The following FOCAD variants were observed in gnomAD, a reference collection of about 807,000 sequenced individuals.
FOCAD encodes focadhesin.
In FOCAD, 198 loss-of-function variants were observed where a neutral mutation model predicts 225.6. The ratio of observed to expected loss-of-function variants is 0.88; its 90% CI spans 0.78 to 0.99. The LOEUF (loss-of-function observed/expected upper bound fraction) is 0.99. FOCAD is among the 50% of genes least tolerant of loss of function. The pLI, the probability that FOCAD is intolerant of heterozygous loss-of-function variation, is 0.00. For missense variants in FOCAD, 2,713 were observed against 2,123.6 expected (o/e 1.28, Z -5.46); for synonymous variants, 897 against 755.0 (o/e 1.19, Z -3.08).
At chr9:20,979,236 A>G (rs1273888994) in intron 37 of FOCAD, among the ~76,000 whole-genome samples, 2 of 152,196 alleles carry the variant, frequency 1.3e-5, no homozygotes, top group Non-Finnish European at 2.9e-5. Flanking sequence ...AATCTGGACT[A>G]TTCTTCTGTC....
At chr9:20,686,398 C>T (rs1267282034) in intron 1 of FOCAD, among the ~76,000 whole-genome samples, 1 of 152,134 alleles carries the variant, frequency 6.6e-6, no homozygotes, top group Non-Finnish European at 1.5e-5. Flanking sequence ...CTCAAGTGAT[C>T]CCTCCGCGTT....
intron 21 of FOCAD, among the ~76,000 whole-genome samples, chr9:20,903,966 CT>C (rs1463908278): frequency 6.6e-6 from 1 of 151,920 alleles, no homozygotes; most frequent in African/African-American, 2.4e-5. Flanking sequence ...CTTTCTGTCT[CT>C]ATGGCTTTAC....
At chr9:20,690,506 CTTACTAAAAGTAACT>C (rs1822908483) in intron 1 of FOCAD, among the ~76,000 whole-genome samples, 1 of 152,108 alleles carries the variant, frequency 6.6e-6, no homozygotes. Context: ...AAAAATTACT[CTTACTAAAAGTAACT>C]TTTCTGAGAA....
intron 11 of FOCAD, among the ~76,000 whole-genome samples, chr9:20,815,123 G>GTGTTTTGTT (rs1564024181): frequency 1.2e-5 from 1 of 85,396 alleles, no homozygotes. Flanking sequence ...ACTTCTCTTT[G>GTGTTTTGTT]TTTTTTTTTT....
At chr9:20,765,536 C>T (rs762686112) in intron 7 of FOCAD, among the ~76,000 whole-genome samples, 1 of 152,178 alleles carries the variant, frequency 6.6e-6, no homozygotes, top group Non-Finnish European at 1.5e-5. Context: ...CACATGTCCC[C>T]TTGCAACATA....
At chr9:20,792,243 TCTGAA>T (rs1264367930) in intron 11 of FOCAD, among the ~76,000 whole-genome samples, 1 of 152,208 alleles carries the variant, frequency 6.6e-6, no homozygotes, top group Non-Finnish European at 1.5e-5. Flanking sequence ...TACTTAGGTA[TCTGAA>T]CTGAACATCA....
chr9:20,850,144 G>T (rs1827509227), intron 15 of FOCAD, among the ~76,000 whole-genome samples: 3 of 151,596 alleles, frequency 2.0e-5, no homozygotes, highest in Admixed American at 6.6e-5. Context: ...ATGGTCATAA[G>T]AAATAAAAAT....
intron 43 of FOCAD, among the ~76,000 whole-genome samples, chr9:20,993,673 T>G (rs1841852043): frequency 6.6e-6 from 1 of 152,208 alleles, no homozygotes; most frequent in South Asian, 2.1e-4. Flanking sequence ...CTACTTGTGT[T>G]GTCATATTGA....
At chr9:20,856,894 C>T (rs958687660) in intron 15 of FOCAD, among the ~76,000 whole-genome samples, 8 of 151,970 alleles carry the variant, frequency 5.3e-5, no homozygotes, top group African/African-American at 1.9e-4. Flanking sequence ...AATGAGTTCA[C>T]TGCAGATATG....
intron 21 of FOCAD, among the ~76,000 whole-genome samples, chr9:20,897,508 C>G (rs2131953607): frequency 6.8e-6 from 1 of 146,372 alleles, no homozygotes; most frequent in African/African-American, 2.5e-5. Flanking sequence ...ATGATTTTTT[C>G]TCTTTTGTTA....
intron 1 of FOCAD, among the ~76,000 whole-genome samples, chr9:20,694,141 A>G (rs1248262545): frequency 3.3e-5 from 5 of 152,208 alleles, no homozygotes; most frequent in East Asian, 3.9e-4. Flanking sequence ...CTTAATAGCA[A>G]CCTCTTCACT....
intron 4 of FOCAD, among the ~76,000 whole-genome samples, chr9:20,735,572 G>A (rs1407147789): frequency 6.7e-6 from 1 of 149,382 alleles, no homozygotes; most frequent in African/African-American, 2.5e-5. Context: ...TTTGAGTGCT[G>A]TGGTGAGATC....
In FOCAD at chr9:20,930,313, T is replaced by A. The variant is rs188269334; in HGVS notation, c.3317+717T>A. Among the ~76,000 whole-genome samples the A allele has an allele frequency of 4.6e-5, 7 of 152,340 alleles. No individual in the cohort carries two copies. In the East Asian group the frequency reaches 9.6e-4, roughly 21 times the overall value. On this transcript the variant is annotated intron_variant, in intron 27 of 43. Transcript: ENST00000338382. ...GTTGTTCATACTGCTTATTATTTAT[T>A]TTCTAGCAATTCTTAGAATTTTATA...
rs1238077810 is a variant in FOCAD at position 20,995,659 on chromosome 9, A to T, written c.*30A>T. ...TTTTGCAGTAACCAGCAGCATTCTC[A>T]GCTGGATGAGGAAAACCATATAAGT... On this transcript the variant is annotated 3_prime_UTR_variant, in exon 44 of 44. Coordinates refer to ENST00000338382, the MANE Select transcript of FOCAD (RefSeq NM_001375567.1). The T allele has an allele frequency of 6.3e-7, 1 of 1,585,752 alleles. No homozygotes were observed. Among genetic ancestry groups the T allele is most frequent in the Admixed American group, 1.7e-5 (1 of 59,728 alleles).
rs773988080 is a variant in FOCAD, at chr9:20,907,258, G to A, written c.2718+16G>A. On this transcript the variant is annotated intron_variant, in intron 22 of 43. Coordinates refer to ENST00000338382, the MANE Select transcript of FOCAD (RefSeq NM_001375567.1). ...CATTTTACAGGTAATGAAACCACAG[G>A]ATAGGTTTGCTTTGGCGAAATGTCT... 2 of 1,605,960 alleles carry A rather than the reference G, an allele frequency of 1.2e-6. No homozygotes were observed. The highest frequency in any genetic ancestry group is 8.5e-7 in the Non-Finnish European group (1 of 1,173,176).
chr9:20,822,166 C>G (rs895823768), intron 14 of FOCAD, among the ~76,000 whole-genome samples: 1 of 151,950 alleles, frequency 6.6e-6, no homozygotes, highest in Non-Finnish European at 1.5e-5. Context: ...GACTGAATAT[C>G]AGACCAGATC....
chr9:20,922,242 C>G (rs1166871171), intron 24 of FOCAD, among the ~76,000 whole-genome samples: 2 of 152,132 alleles, frequency 1.3e-5, no homozygotes, highest in East Asian at 3.8e-4. Flanking sequence ...TCTGCTTAGA[C>G]CTCAAGGCTT....
chr9:20,916,871 C>G, intron 23 of FOCAD, 22 bp from the exon 24 acceptor site: 1 of 1,592,834 alleles, frequency 6.3e-7, no homozygotes, highest in Non-Finnish European at 8.5e-7. Flanking sequence ...AAACTCTCGT[C>G]TATTTTCCAT....
intron 7 of FOCAD, among the ~76,000 whole-genome samples, chr9:20,766,569 AT>A (rs1357559852): frequency 2.0e-5 from 3 of 152,050 alleles, no homozygotes; most frequent in African/African-American, 7.2e-5. Context: ...ACAAAATGAA[AT>A]AAGCTTTTAA....
Sources: allele counts gnomAD v4.1 joint callset (sites outside exome capture counted in the v4.1 genomes callset), GRCh38; gene constraint gnomAD v4.1.1; transcripts MANE v1.5; gene names NCBI Gene and HGNC (gene_info 2026-07-23, HGNC 2026-07-21).